The following RGS12 variants were observed in gnomAD, a reference collection of about 807,000 sequenced individuals.
RGS12 encodes the protein regulator of G-protein signaling 12.
A neutral mutation model predicts 120.1 loss-of-function variants in RGS12; 66 were observed. The observed-to-expected ratio is 0.55, with a 90% CI of 0.45 to 0.67. The LOEUF is 0.67. RGS12 is among the 30% of genes least tolerant of loss of function. RGS12 has a pLI of 0.00. For synonymous variants in RGS12, 827 were observed against 804.7 expected (o/e 1.03, Z -0.47); for missense variants, 1,859 against 1,957.7 (o/e 0.95, Z 0.95).
chr4:3,393,030 A>G (rs945320463), intron 4 of RGS12, among the ~76,000 whole-genome samples: 1 of 152,362 alleles, frequency 6.6e-6, no homozygotes, highest in East Asian at 1.9e-4. Flanking sequence ...TTTATAAGAC[A>G]TGTAAAGCCC....
chr4:3,422,379 G>C lies in RGS12; in HGVS notation c.2842G>C (p.Glu948Gln). 1 of 1,610,486 alleles carries C rather than the reference G, an allele frequency of 6.2e-7. No homozygotes were observed. Among genetic ancestry groups the C allele is most frequent in the Non-Finnish European group, 8.5e-7 (1 of 1,178,432 alleles). Reference sequence around the variant, plus strand: ...TGCTTGTCTCGCTGCTCCCCAGTCGGAGGCCTGCAGGACTTTGGCACCCGA... The same window carrying C: ...TGCTTGTCTCGCTGCTCCCCAGTCGCAGGCCTGCAGGACTTTGGCACCCGA... Reference protein sequence around the residue: ...VSSAGSLDLSEACRTLAPEKD... With the variant: ...VSSAGSLDLSQACRTLAPEKD... Residue 948 changes from glutamate (E) to glutamine (Q), a missense_variant, in exon 11 of 18, where the codon GAG becomes CAG. Around this residue, in one of 3 missense-constraint regions of RGS12, gnomAD observed 375 missense variants for 475.0 expected, o/e 0.79. Transcript: ENST00000336727.
chr4:3,329,925 G>A (rs1190215689), intron 2 of RGS12, among the ~76,000 whole-genome samples: 1 of 151,560 alleles, frequency 6.6e-6, no homozygotes, highest in African/African-American at 2.4e-5. Context: ...ACTGTTAGGT[G>A]CAGCTTTTGG....
At chr4:3,384,625 A>G (rs956506088) in intron 3 of RGS12, among the ~76,000 whole-genome samples, 12 of 152,218 alleles carry the variant, frequency 7.9e-5, no homozygotes, top group African/African-American at 2.2e-4. Flanking sequence ...TGGTGGCTTC[A>G]GGGGTGTGTG....
intron 3 of RGS12, among the ~76,000 whole-genome samples, chr4:3,381,867 A>G (rs1175183979): frequency 1.3e-5 from 2 of 152,228 alleles, no homozygotes; most frequent in Non-Finnish European, 2.9e-5. Flanking sequence ...CAAAGAGATC[A>G]TTTATAATTA....
At chr4:3,349,820 G>A (rs563625353) in intron 3 of RGS12, among the ~76,000 whole-genome samples, 1 of 152,038 alleles carries the variant, frequency 6.6e-6, no homozygotes, top group Non-Finnish European at 1.5e-5. Flanking sequence ...AATAAGCCAA[G>A]AACAAACTTA....
intron 2 of RGS12, among the ~76,000 whole-genome samples, chr4:3,334,529 C>G (rs1359852583): frequency 1.3e-5 from 2 of 152,090 alleles, no homozygotes; most frequent in African/African-American, 4.8e-5. Context: ...TTACTGTAGT[C>G]TCACAAAACA....
chr4:3,423,848 G>C, intron 13 of RGS12: 1 of 599,812 alleles, frequency 1.7e-6, no homozygotes, highest in Non-Finnish European at 2.8e-6. Flanking sequence ...TTTGTACCTT[G>C]GTCATTCCAA....
chr4:3,367,164 G>A (rs1200640420), intron 3 of RGS12, among the ~76,000 whole-genome samples: 1 of 152,248 alleles, frequency 6.6e-6, no homozygotes, highest in East Asian at 1.9e-4. Context: ...CCAGCTGGGC[G>A]GTGATATGCA....
chr4:3,385,395 C>A (rs1185135166), intron 3 of RGS12: 1 of 153,600 alleles, frequency 6.5e-6, no homozygotes, highest in Admixed American at 6.5e-5. Flanking sequence ...CTGCTCACCC[C>A]CTCTCACTTC....
chr4:3,370,315 C>G (rs369996377), intron 3 of RGS12: 1 of 1,613,866 alleles, frequency 6.2e-7, no homozygotes, highest in African/African-American at 1.3e-5. Flanking sequence ...TTTCTAATGA[C>G]CAGCAGGTAA....
rs1008213036 is a variant in RGS12 at position 3,433,401 on chromosome 4, G to C, written c.4114+2446G>C. Among the ~76,000 whole-genome samples the C allele has an allele frequency of 2.0e-5, 3 of 152,192 alleles. No homozygotes were observed. Among genetic ancestry groups the C allele is most frequent in the Non-Finnish European group, 4.4e-5 (3 of 68,014 alleles). ...AGGTAGGGGGAGTCTCCACAGAGCTGTGCCACACCACTTTGCCCTTCCAGC... is the reference window on the plus strand; with the variant it reads ...AGGTAGGGGGAGTCTCCACAGAGCTCTGCCACACCACTTTGCCCTTCCAGC... On this transcript the variant is annotated intron_variant, in intron 17 of 17. Coordinates refer to ENST00000336727, the MANE Select transcript of RGS12 (RefSeq NM_001394154.1). The surrounding 1 kb of genome is among the most constrained non-coding windows in gnomAD (Gnocchi z 4.4).
the RGS12 span, among the ~76,000 whole-genome samples, chr4:3,286,047 G>T: frequency 2.0e-5 from 3 of 152,274 alleles, no homozygotes; most frequent in Non-Finnish European, 4.4e-5. Context: ...GGAGCCCAGG[G>T]AACGTGGAGA....
intron 1 of RGS12, among the ~76,000 whole-genome samples, chr4:3,303,730 C>G (rs1388642180): frequency 6.6e-6 from 1 of 152,214 alleles, no homozygotes; most frequent in Non-Finnish European, 1.5e-5. Flanking sequence ...AGCCAGTGTT[C>G]ACACTTTATG....
chr4:3,333,316 TG>T (rs1302169680), intron 2 of RGS12, among the ~76,000 whole-genome samples: 4 of 152,180 alleles, frequency 2.6e-5, no homozygotes, highest in Admixed American at 2.6e-4. Context: ...CCCAAAGTGC[TG>T]GGATTACAGG....
intron 17 of RGS12, among the ~76,000 whole-genome samples, chr4:3,434,814 C>T (rs182972554): frequency 2.0e-5 from 3 of 152,298 alleles, no homozygotes; most frequent in East Asian, 3.9e-4. Flanking sequence ...ACAAAAAGCC[C>T]GGGAGCTGGG....
intron 3 of RGS12, among the ~76,000 whole-genome samples, chr4:3,354,911 C>G (rs561603040): frequency 6.6e-6 from 1 of 152,170 alleles, no homozygotes; most frequent in East Asian, 1.9e-4. Context: ...AAATGACAAA[C>G]TAACAAAAAA....
intron 4 of RGS12, among the ~76,000 whole-genome samples, chr4:3,402,428 G>A (rs899345314): frequency 2.6e-5 from 4 of 152,144 alleles, no homozygotes; most frequent in Admixed American, 1.3e-4. Flanking sequence ...CTGAAGCCTG[G>A]TCCTCTGGCC....
intron 3 of RGS12, among the ~76,000 whole-genome samples, chr4:3,345,318 G>A (rs1229753272): frequency 6.6e-6 from 1 of 152,164 alleles, no homozygotes; most frequent in African/African-American, 2.4e-5. Flanking sequence ...CTCCCTTCCT[G>A]GCCTTCTCTG....
At chr4:3,346,561 T>C (rs1490073081) in intron 3 of RGS12, among the ~76,000 whole-genome samples, 1 of 152,204 alleles carries the variant, frequency 6.6e-6, no homozygotes, top group African/African-American at 2.4e-5. Flanking sequence ...TTTCAGCTTA[T>C]AGGGCTTCAG....
Sources: gnomAD v4.1 joint callset for allele counts (sites outside exome capture counted in the v4.1 genomes callset) on GRCh38, gnomAD v4.1.1 for gene constraint, gnomAD v4.1.1 regional missense constraint, Gnocchi (gnomAD v3.1) non-coding constraint, MANE v1.5 for transcripts, NCBI Gene and HGNC (gene_info 2026-07-23, HGNC 2026-07-21) for gene names.